RGL1: variants seen among roughly 807,000 people sequenced by gnomAD.
RGL1 encodes the protein ral guanine nucleotide dissociation stimulator like 1.
Under a neutral mutation model 95.2 loss-of-function variants are expected in RGL1, and 24 were observed. That is an observed-to-expected ratio of 0.25 (90% CI 0.18 to 0.35). The LOEUF (loss-of-function observed/expected upper bound fraction) is 0.35, where lower values mean the gene tolerates loss of function less well. RGL1 is among the 10% of genes least tolerant of loss of function. The pLI, the probability that RGL1 is intolerant of heterozygous loss-of-function variation, is 1.00. For synonymous variants in RGL1, 329 were observed against 344.9 expected (o/e 0.95, Z 0.51); for missense variants, 715 against 936.3 (o/e 0.76, Z 3.08).
intron 1 of RGL1, among the ~76,000 whole-genome samples, chr1:183,666,649 T>G (rs12402801): frequency 1.4e-4 from 21 of 152,244 alleles, no homozygotes; most frequent in Admixed American, 1.4e-3. Context: ...CCACCACGCC[T>G]GGCAGGAATT....
chr1:183,811,503 A>C lies in RGL1; in HGVS notation c.138+5018A>C, dbSNP rs377427494. Among the ~76,000 whole-genome samples the C allele has an allele frequency of 3.3e-5, 5 of 152,350 alleles. No individual in the cohort carries two copies. In the East Asian group the frequency reaches 7.7e-4, roughly 23 times the overall value. On this transcript the variant is annotated intron_variant, in intron 2 of 17. Transcript: ENST00000360851. The stretch of plus-strand genomic sequence containing the variant: ...TATTGGAATGTTTAATTTAGGCTTT[A>C]GAAAGTAGATTTCAGAATTTAGCAG...
upstream of RGL1, among the ~76,000 whole-genome samples, chr1:183,802,787 T>TC (rs1450787091): frequency 6.6e-6 from 1 of 152,158 alleles, no homozygotes; most frequent in Non-Finnish European, 1.5e-5. Flanking sequence ...GAGATGCAAG[T>TC]CTTGCTCTCT....
At chr1:183,680,132 A>T (rs1446120953) in intron 1 of RGL1, among the ~76,000 whole-genome samples, 1 of 151,982 alleles carries the variant, frequency 6.6e-6, no homozygotes, top group Non-Finnish European at 1.5e-5. Flanking sequence ...TATCAGATGG[A>T]TAGATTGCAA....
At chr1:183,857,853 G>A (rs769380436) in intron 3 of RGL1, among the ~76,000 whole-genome samples, 4 of 152,180 alleles carry the variant, frequency 2.6e-5, no homozygotes, top group Non-Finnish European at 2.9e-5. Context: ...AACATGTGGC[G>A]ACTGTAGAGC....
chr1:183,703,565 T>C lies in RGL1; in HGVS notation c.-32-38561T>C, dbSNP rs559717926. On this transcript the variant is annotated intron_variant, in intron 1 of 18. Coordinates refer to the RGL1 transcript ENST00000304685. ...GTACATGGGCTACTTTTCTGATGTT[T>C]GAAGCGATTTATAGTACTGTTTTTC... Among the ~76,000 whole-genome samples the C allele has an allele frequency of 1.6e-4, 24 of 152,312 alleles. No homozygotes were observed. In the South Asian group the frequency reaches 3.1e-3, roughly 20 times the overall value.
intron 2 of RGL1, among the ~76,000 whole-genome samples, chr1:183,762,667 A>T (rs1394638813): frequency 6.6e-6 from 1 of 152,234 alleles, no homozygotes; most frequent in Non-Finnish European, 1.5e-5. Context: ...CATTAGAGAA[A>T]TACAAATCAA....
At position 183,805,971 on chromosome 1, in the gene RGL1, C is replaced by CTTTTTTTTTTTTTTTTTTTTTT. The variant is rs751229707; in HGVS notation, c.28-385_28-364dup. 1.2e-3 allele frequency among the ~76,000 whole-genome samples: 90 copies of CTTTTTTTTTTTTTTTTTTTTTT among 74,658 alleles called. 2 individuals carry two copies. Among genetic ancestry groups the CTTTTTTTTTTTTTTTTTTTTTT allele is most frequent in the East Asian group, 3.3e-3 (7 of 2,128 alleles). 49.0% of individuals were successfully genotyped at this position (74,658 alleles called of 152,430 possible). The stretch of plus-strand genomic sequence containing the variant: ...TTTCTTTTTCTTTTTCTTTTCTTTT[C>CTTTTTTTTTTTTTTTTTTTTTT]TTTTTTTTTTTTTTTTTTTTTTTTT... On this transcript the variant is annotated intron_variant, in intron 1 of 17. Coordinates refer to ENST00000360851, the MANE Select transcript of RGL1 (RefSeq NM_001297671.3).
chr1:183,833,154 G>A (rs868185436), intron 2 of RGL1, among the ~76,000 whole-genome samples: 24 of 152,254 alleles, frequency 1.6e-4, no homozygotes, highest in African/African-American at 5.5e-4. Flanking sequence ...TTAATTTAAA[G>A]CAGCTCAAAG....
chr1:183,818,865 A>G (rs536510559), intron 2 of RGL1, among the ~76,000 whole-genome samples: 1 of 152,314 alleles, frequency 6.6e-6, no homozygotes, highest in East Asian at 1.9e-4. Context: ...TTTATACTCC[A>G]ACTACTGATA....
intron 4 of RGL1, among the ~76,000 whole-genome samples, chr1:183,877,063 G>A (rs530842391): frequency 1.1e-4 from 17 of 152,180 alleles, no homozygotes; most frequent in Middle Eastern, 3.2e-3. Flanking sequence ...CCCCAGAGAG[G>A]GGGGTCAGTG....
At chr1:183,777,170 A>G (rs1659648393) in intron 2 of RGL1, among the ~76,000 whole-genome samples, 1 of 152,172 alleles carries the variant, frequency 6.6e-6, no homozygotes, top group South Asian at 2.1e-4. Context: ...AGAGAAACAG[A>G]CTTGAAGATA....
chr1:183,905,238 C>CTGTAGAA (rs1668250836), intron 13 of RGL1, among the ~76,000 whole-genome samples: 1 of 152,166 alleles, frequency 6.6e-6, no homozygotes, highest in Non-Finnish European at 1.5e-5. Context: ...GGATGCTCAT[C>CTGTAGAA]TGTAGAATGT....
At chr1:183,782,367 C>T (rs1196194510) in intron 2 of RGL1, among the ~76,000 whole-genome samples, 1 of 152,200 alleles carries the variant, frequency 6.6e-6, no homozygotes, top group Non-Finnish European at 1.5e-5. Context: ...AAACTCAGTG[C>T]GTTCATCAGG....
intron 1 of RGL1, among the ~76,000 whole-genome samples, chr1:183,664,573 C>CTTTT (rs5779182): frequency 1.4e-5 from 2 of 146,622 alleles, no homozygotes; most frequent in African/African-American, 5.1e-5. Flanking sequence ...AGAGGGCATA[C>CTTTT]TTTTTTTTTT....
At chr1:183,719,045 C>T (rs1655820499) in intron 1 of RGL1, among the ~76,000 whole-genome samples, 1 of 152,206 alleles carries the variant, frequency 6.6e-6, no homozygotes, top group Admixed American at 6.5e-5. Flanking sequence ...ACAATGTTTT[C>T]TATATTATCA....
intron 2 of RGL1, among the ~76,000 whole-genome samples, chr1:183,756,361 G>A (rs549046694): frequency 6.6e-6 from 1 of 152,306 alleles, no homozygotes; most frequent in East Asian, 1.9e-4. Context: ...GTAAAGGGGA[G>A]TGTTAGAGAG....
At chr1:183,742,595 G>C (rs974444155) in intron 2 of RGL1, among the ~76,000 whole-genome samples, 1 of 152,110 alleles carries the variant, frequency 6.6e-6, no homozygotes. Context: ...TGGGTATCCC[G>C]CTAGCTACAT....
At chr1:183,897,932 A>G (rs1558280445) in intron 10 of RGL1, 35 bp downstream of exon 10, 1 of 1,575,844 alleles carries the variant, frequency 6.3e-7, no homozygotes, top group Non-Finnish European at 8.7e-7. Context: ...GACAGCTCAC[A>G]GAGGAGAAGG....
intron 4 of RGL1, among the ~76,000 whole-genome samples, chr1:183,875,043 A>G (rs55726558): frequency 0.014 from 2,146 of 152,268 alleles, 45 homozygotes; most frequent in African/African-American, 0.05. Context: ...AAATCTTCTT[A>G]CCTTTTCATT....
Sources: gnomAD v4.1 joint callset for allele counts (sites outside exome capture counted in the v4.1 genomes callset) on GRCh38, gnomAD v4.1.1 for gene constraint, MANE v1.5 for transcripts, NCBI Gene and HGNC (gene_info 2026-07-23, HGNC 2026-07-21) for gene names.